The following CDH18 variants were observed in gnomAD, a reference collection of about 807,000 sequenced individuals.
The protein encoded by CDH18 is cadherin 18, also known as cadherin-18.
A neutral mutation model predicts 67.9 loss-of-function variants in CDH18; 31 were observed. That is an observed-to-expected ratio of 0.46 (90% CI 0.34 to 0.62). The LOEUF is 0.62. CDH18 is among the 20% of genes least tolerant of loss of function. The pLI is 0.01. For synonymous variants in CDH18, 362 were observed against 347.2 expected (o/e 1.04, Z -0.48); for missense variants, 890 against 975.5 (o/e 0.91, Z 1.17).
chr5:20,120,796 G>A (rs1229730582), intron 2 of CDH18, among the ~76,000 whole-genome samples: 1 of 152,092 alleles, frequency 6.6e-6, no homozygotes, highest in Non-Finnish European at 1.5e-5. Flanking sequence ...AAGCATGAGA[G>A]CATGTTTCAT....
chr5:20,406,441 G>C (rs978543853), intron 1 of CDH18, among the ~76,000 whole-genome samples: 8 of 150,920 alleles, frequency 5.3e-5, no homozygotes, highest in Non-Finnish European at 1.2e-4. Flanking sequence ...TGTGGGGGAG[G>C]GGGGAGGGAT....
chr5:19,676,852 C>A (rs1759556668), intron 5 of CDH18, among the ~76,000 whole-genome samples: 1 of 152,046 alleles, frequency 6.6e-6, no homozygotes, highest in Admixed American at 6.6e-5. Context: ...AGGTTAAACA[C>A]CACACTTGTT....
intron 2 of CDH18, among the ~76,000 whole-genome samples, chr5:19,925,750 C>T (rs28722858): frequency 0.14 from 20,731 of 152,056 alleles, 3,922 homozygotes; most frequent in African/African-American, 0.42. Context: ...CCTCCCATTA[C>T]ACTGTATTTT....
intron 8 of CDH18, among the ~76,000 whole-genome samples, chr5:19,563,028 C>A (rs1210586639): frequency 6.6e-6 from 1 of 152,118 alleles, no homozygotes; most frequent in African/African-American, 2.4e-5. Flanking sequence ...CAGTTAGCAT[C>A]CCCTTTTCTA....
intron 5 of CDH18, among the ~76,000 whole-genome samples, chr5:19,702,148 C>T (rs368157482): frequency 1.8e-4 from 21 of 114,868 alleles, no homozygotes; most frequent in African/African-American, 6.4e-4. Flanking sequence ...CTTTCTCTCT[C>T]TTTTTTTTTT....
At chr5:19,748,657 C>G (rs960973462) in intron 3 of CDH18, among the ~76,000 whole-genome samples, 3 of 152,126 alleles carry the variant, frequency 2.0e-5, no homozygotes, top group Admixed American at 6.5e-5. Context: ...CAACTTTGTT[C>G]ACATAGCATT....
chr5:20,225,285 C>T (rs1741526881), intron 2 of CDH18, among the ~76,000 whole-genome samples: 1 of 152,080 alleles, frequency 6.6e-6, no homozygotes, highest in Non-Finnish European at 1.5e-5. Context: ...TGAAGGAGAA[C>T]AATATTGACT....
intron 1 of CDH18, among the ~76,000 whole-genome samples, chr5:20,456,577 A>C (rs1472827084): frequency 1.3e-5 from 2 of 152,300 alleles, no homozygotes; most frequent in East Asian, 1.9e-4. Flanking sequence ...ACAAAATTCC[A>C]AAATTCAGTA....
At chr5:19,518,059 T>C (rs1746314708) in intron 10 of CDH18, among the ~76,000 whole-genome samples, 1 of 151,994 alleles carries the variant, frequency 6.6e-6, no homozygotes, top group Non-Finnish European at 1.5e-5. Flanking sequence ...TATGCATCCA[T>C]TTTTAATAGA....
rs999382260 is a variant in CDH18, at chr5:19,756,844, G to A, written c.229-9608C>T. Among the ~76,000 whole-genome samples the A allele has an allele frequency of 8.5e-5, 13 of 152,208 alleles. No individual in the cohort carries two copies. The East Asian group carries it at 2.5e-3, about 29-fold the overall frequency. ...CTAGTGGATCACTAGGGGAGATGGT[G>A]TGTGTTGCCACTTATGCTTCTATTC... On this transcript the variant is annotated intron_variant, in intron 3 of 12. Transcript: ENST00000382275.
Position 19,612,646 on chromosome 5 carries a change from G to A in CDH18, c.644-45C>T, listed in dbSNP as rs780126724. ...ATAAACAGTATGAGCTATATAATAA[G>A]CAAGTATCAACAAACATACACATAC... On this transcript the variant is annotated intron_variant, in intron 5 of 12. Transcript: ENST00000382275. 5 of 1,402,132 alleles carry A rather than the reference G, an allele frequency of 3.6e-6. No homozygotes were observed. The South Asian group carries it at 6.0e-5, about 17-fold the overall frequency. 86.9% of individuals were successfully genotyped at this position (1,402,132 alleles called of 1,614,324 possible). A position where few individuals can be genotyped will look rare whatever the true frequency, so the allele number is the denominator to read the frequency against.
intron 11 of CDH18, among the ~76,000 whole-genome samples, chr5:19,498,439 C>T (rs916864932): frequency 8.5e-5 from 13 of 152,064 alleles, no homozygotes; most frequent in Non-Finnish European, 1.0e-4. Context: ...GAAACTGTTC[C>T]GTAGTCTTAA....
chr5:19,843,775 T>C (rs1307430522), intron 2 of CDH18, among the ~76,000 whole-genome samples: 1 of 152,200 alleles, frequency 6.6e-6, no homozygotes, highest in African/African-American at 2.4e-5. Context: ...CCCTAGGCCA[T>C]GGGAGCCCAA....
intron 1 of CDH18, among the ~76,000 whole-genome samples, chr5:20,411,899 G>A (rs1263693052): frequency 6.6e-6 from 1 of 151,902 alleles, no homozygotes; most frequent in Non-Finnish European, 1.5e-5. Flanking sequence ...TAAACAAATG[G>A]AAAATCATCC....
chr5:20,219,470 T>C (rs1281850568), intron 2 of CDH18, among the ~76,000 whole-genome samples: 2 of 151,224 alleles, frequency 1.3e-5, no homozygotes, highest in African/African-American at 4.9e-5. Context: ...CTTCCAAACT[T>C]ATTGTATGAG....
intron 1 of CDH18, among the ~76,000 whole-genome samples, chr5:20,296,301 T>G (rs1747517628): frequency 6.6e-6 from 1 of 151,780 alleles, no homozygotes; most frequent in South Asian, 2.1e-4. Context: ...TTGCCCAGGC[T>G]GGAGTGCAGT....
intron 2 of CDH18, among the ~76,000 whole-genome samples, chr5:20,104,065 ATATAT>A (rs1200908729): frequency 1.3e-5 from 2 of 150,540 alleles, no homozygotes; most frequent in African/African-American, 2.4e-5. Flanking sequence ...CTATTTATAG[ATATAT>A]TAGATATAGA....
chr5:20,230,678 ATTATG>A (rs1370791636), intron 2 of CDH18, among the ~76,000 whole-genome samples: 3 of 152,084 alleles, frequency 2.0e-5, no homozygotes. Context: ...TTGTGGGGAT[ATTATG>A]TTTTAACTAT....
chr5:20,514,399 C>A (rs1208734319), intron 1 of CDH18, among the ~76,000 whole-genome samples: 1 of 152,114 alleles, frequency 6.6e-6, no homozygotes, highest in African/African-American at 2.4e-5. Context: ...GGTTTATTTC[C>A]TTTCATTGTT....
Sources: gnomAD v4.1 joint callset for allele counts (sites outside exome capture counted in the v4.1 genomes callset) on GRCh38, gnomAD v4.1.1 for gene constraint, MANE v1.5 for transcripts, NCBI Gene and HGNC (gene_info 2026-07-23, HGNC 2026-07-21) for gene names.